MGAT4B: variants seen among roughly 807,000 people sequenced by gnomAD.
MGAT4B encodes alpha-1,3-mannosyl-glycoprotein 4-beta-N-acetylglucosaminyltransferase B.
In MGAT4B, 38 loss-of-function variants were observed where a neutral mutation model predicts 73.9. The observed-to-expected ratio is 0.51, with a 90% confidence interval of 0.40 to 0.67. MGAT4B has a LOEUF of 0.67. Ranked by LOEUF, MGAT4B falls within the 30% of genes least tolerant of loss-of-function variation. The pLI is 0.00. For synonymous variants in MGAT4B, 373 were observed against 313.5 expected (o/e 1.19, Z -2.01); for missense variants, 686 against 735.2 (o/e 0.93, Z 0.77).
rs1278982179 is a variant in MGAT4B, at chr5:179,798,155, C to T, written c.1623+10G>A. 2 of 1,592,118 alleles carry T rather than the reference C, an allele frequency of 1.3e-6. No homozygotes were observed. Among genetic ancestry groups the T allele is most frequent in the South Asian group, 2.2e-5 (2 of 88,898 alleles). On this transcript the variant is annotated intron_variant, in intron 14 of 14. Transcript: ENST00000292591. ...CTCCCCGTGCCTGGCCTGGCCCTGC[C>T]CAGCCTCACCTCGCTCAGAATCACC...
intron 9 of MGAT4B, 82 bp from the exon 10 acceptor site, chr5:179,799,392 T>G: frequency 6.2e-7 from 1 of 1,602,958 alleles, no homozygotes; most frequent in East Asian, 2.2e-5. Flanking sequence ...ACCAGGGCCC[T>G]CCCACAGCTG....
intron 8 of MGAT4B, 133 bp from the exon 9 acceptor site, chr5:179,799,769 A>G: frequency 2.9e-6 from 4 of 1,396,800 alleles, no homozygotes; most frequent in Non-Finnish European, 3.0e-6. Context: ...AGGGAGGCAG[A>G]CAGGTGATGA....
intron 1 of MGAT4B, chr5:179,804,890 AAC>A (rs1036353148): frequency 3.4e-4 from 51 of 152,190 alleles, no homozygotes; most frequent in African/African-American, 1.2e-3. Flanking sequence ...TCACCACAGA[AAC>A]AGTGACAGCC....
At chr5:179,798,770 A>AG in intron 11 of MGAT4B, 158 bp downstream of exon 11, 1 of 1,080,600 alleles carries the variant, frequency 9.3e-7, no homozygotes, top group Middle Eastern at 3.0e-4. Context: ...CTGAGCTCCT[A>AG]GGGGCTGCCT....
intron 7 of MGAT4B, 30 bp downstream of exon 7, chr5:179,800,154 G>C: frequency 6.2e-7 from 1 of 1,612,998 alleles, no homozygotes; most frequent in Non-Finnish European, 8.5e-7. Context: ...GCGCAGGGCA[G>C]GGCAGGGCAA....
Position 179,799,193 on chromosome 5 carries a change from TGCA to T in MGAT4B, c.1149+7_1149+9del, listed in dbSNP as rs1305638304. 1.9e-6 allele frequency: 3 copies of T among 1,613,966 alleles called. No individual in the cohort carries two copies. The African/African-American group carries it at 4.0e-5, about 22-fold the overall frequency. On this transcript the variant is annotated splice_region_variant and intron_variant, in intron 10 of 14. Transcript: ENST00000292591. ...ATCCCGGCCTAGGGAGAGCGTGCAG[TGCA>T]GCCCACCTTCAGTTTCTGGATCTTG...
Position 179,798,047 on chromosome 5 carries a change from A to T in MGAT4B, c.1645T>A (p.Ter549LysextTer5). The change falls in exon 15 of 15, where the codon TAA becomes AAA. Residue 549 changes from the stop codon to lysine, a stop_lost. Coordinates refer to ENST00000292591, the MANE Select transcript of MGAT4B (RefSeq NM_014275.5). Reference sequence around the variant, plus strand: ...GGGTACCCTCAGAAGCCCGCAGCTTAGTCGGCCTTTTTCAGGAAGATCTGG... The same window carrying T: ...GGGTACCCTCAGAAGCCCGCAGCTTTGTCGGCCTTTTTCAGGAAGATCTGG... The part of the protein sequence containing the change: ...LSEIFLKKAD[*>K] 1.1e-5 allele frequency: 18 copies of T among 1,608,898 alleles called. No individual in the cohort carries two copies. Among genetic ancestry groups the T allele is most frequent in the Non-Finnish European group, 1.4e-5 (17 of 1,178,346 alleles).
intron 11 of MGAT4B, 58 bp from the exon 12 acceptor site, chr5:179,798,649 G>GGGCCC: frequency 6.3e-7 from 1 of 1,583,018 alleles, no homozygotes; most frequent in Non-Finnish European, 8.6e-7. Context: ...ACAGCACCCA[G>GGGCCC]GGCCCAGCAG....
Position 179,801,544 on chromosome 5 carries a change from G to A in MGAT4B, c.424+10C>T, listed in dbSNP as rs1445384714. On this transcript the variant is annotated intron_variant, in intron 3 of 14. Transcript: ENST00000292591. This position sits in a 1 kb window ranked among gnomAD's most constrained non-coding sequence, Gnocchi z 4.8. ...CCCCACCCCGTGCTCCTCCCTGTCT[G>A]CGCCCATACCTCCGGTGCGGCCCTG... is the stretch of plus-strand genomic sequence containing the variant. The A allele has an allele frequency of 2.5e-6, 4 of 1,608,150 alleles. No homozygotes were observed. Among genetic ancestry groups the A allele is most frequent in the Non-Finnish European group, 3.4e-6 (4 of 1,177,386 alleles).
At chr5:179,804,478 G>A (rs952111756) in intron 1 of MGAT4B, among the ~76,000 whole-genome samples, 5 of 152,210 alleles carry the variant, frequency 3.3e-5, no homozygotes, top group African/African-American at 1.2e-4. Context: ...GTGCTTGACC[G>A]AGGGCCACAG....
intron 1 of MGAT4B, chr5:179,802,777 C>T: frequency 1.0e-6 from 1 of 985,582 alleles, no homozygotes; most frequent in Non-Finnish European, 1.2e-6. Context: ...CTGGCAGGGA[C>T]CAGTGAGCAA....
chr5:179,802,957 T>G, intron 1 of MGAT4B: 2 of 985,454 alleles, frequency 2.0e-6, no homozygotes, highest in Non-Finnish European at 2.4e-6. Context: ...CTCAGGCAGC[T>G]CTTCCATTCC....
chr5:179,803,244 C>G (rs1447730034), intron 1 of MGAT4B: 1 of 985,280 alleles, frequency 1.0e-6, no homozygotes, highest in African/African-American at 1.7e-5. Context: ...CACACCCTGC[C>G]TCTCTGGGGC....
At chr5:179,802,484 T>A in intron 1 of MGAT4B, 1 of 1,029,668 alleles carries the variant, frequency 9.7e-7, no homozygotes, top group Admixed American at 5.0e-5. Flanking sequence ...CTGCTGCAGT[T>A]CCAGGAGCCC....
In MGAT4B at chr5:179,800,546, G is replaced by A. The variant is rs1473235386; in HGVS notation, c.657C>T (p.Pro219=). Residue 219 remains proline, a synonymous_variant, in exon 6 of 15, where the codon CCC becomes CCT. Coordinates refer to ENST00000292591, the MANE Select transcript of MGAT4B (RefSeq NM_014275.5). ...GGCGGGAGAAGTCAGGGTAGAAGTG[G>A]GGGGAGGGTGAGATGACCTCCAGGA... ...SGLLEVISPS[P]HFYPDFSRLR... is the part of the protein sequence containing the mutation. 4 of 1,612,244 alleles carry A rather than the reference G, an allele frequency of 2.5e-6. No homozygotes were observed. The highest frequency in any genetic ancestry group is 2.2e-5 in the South Asian group (2 of 90,952).
rs890447632 is a variant in MGAT4B, at chr5:179,799,062, C to T, written c.1209G>A (p.Val403=). The T allele has an allele frequency of 9.9e-6, 16 of 1,613,888 alleles. No individual in the cohort carries two copies. The highest frequency in any genetic ancestry group is 1.3e-5 in the Non-Finnish European group (15 of 1,180,054). The change falls in exon 11 of 15, where the codon GTG becomes GTA. Residue 403 remains valine, a synonymous_variant. Coordinates refer to ENST00000292591, the MANE Select transcript of MGAT4B (RefSeq NM_014275.5). ...GCTGGTATGTCTTCAGGCTCGTGCT[C>T]ACCTCTGCTGGCGGGTTCACATGCT... ...RKEHVNPPAE[V]STSLKTYQHF...
Position 179,801,080 on chromosome 5 carries a change from C to T in MGAT4B, c.559-127G>A, listed in dbSNP as rs759500577. 7.4e-5 allele frequency: 97 copies of T among 1,306,234 alleles called. 1 individual carries two copies. Among genetic ancestry groups the T allele is most frequent in the Middle Eastern group, 4.8e-4 (2 of 4,206 alleles). 80.9% of individuals were successfully genotyped at this position (1,306,234 alleles called of 1,614,324 possible). ...GGGAGTGAGCCTGCTGTGCTGAGGG[C>T]GGAGTAAGGGGGCCCCCAGAGACGG... On this transcript the variant is annotated intron_variant, in intron 4 of 14. Transcript: ENST00000292591. This position sits in a 1 kb window ranked among gnomAD's most constrained non-coding sequence, Gnocchi z 4.8.
chr5:179,802,041 C>T (rs1185350663), intron 1 of MGAT4B, 72 bp from the exon 2 acceptor site: 20 of 1,611,014 alleles, frequency 1.2e-5, no homozygotes, highest in Admixed American at 1.7e-5. Context: ...AGTGTGCCAG[C>T]GCACACATCT....
chr5:179,799,436 G>A (rs1756808307), intron 9 of MGAT4B, 70 bp downstream of exon 9: 5 of 1,610,074 alleles, frequency 3.1e-6, no homozygotes, highest in African/African-American at 1.3e-5. Context: ...CAAGGACAGG[G>A]ACACAGTTTG....
Sources: allele counts gnomAD v4.1 joint callset (sites outside exome capture counted in the v4.1 genomes callset), GRCh38; gene constraint gnomAD v4.1.1; non-coding constraint Gnocchi (gnomAD v3.1); transcripts MANE v1.5; gene names NCBI Gene and HGNC (gene_info 2026-07-23, HGNC 2026-07-21).